PTPRK: variants seen among roughly 807,000 people sequenced by gnomAD.
PTPRK encodes receptor-type tyrosine-protein phosphatase kappa.
In PTPRK, 75 loss-of-function variants were observed where a neutral mutation model predicts 178.0. The ratio of observed to expected loss-of-function variants is 0.42; its 90% CI spans 0.35 to 0.51. The LOEUF (loss-of-function observed/expected upper bound fraction) is 0.51, where lower values mean the gene tolerates loss of function less well. PTPRK is among the 20% of genes least tolerant of loss of function. The pLI, the probability that PTPRK is intolerant of heterozygous loss-of-function variation, is 0.02. For synonymous variants in PTPRK, 637 were observed against 620.6 expected, an observed-to-expected ratio of 1.03 and a Z score of -0.39; for missense variants, 1,441 against 1,797.8, an observed-to-expected ratio of 0.80 and a Z score of 3.59.
intron 3 of PTPRK, among the ~76,000 whole-genome samples, chr6:128,248,471 A>G (rs1306688802): frequency 1.3e-5 from 2 of 152,204 alleles, no homozygotes; most frequent in Non-Finnish European, 2.9e-5. Context: ...GGGAAATGAA[A>G]AAAATATATT....
At chr6:128,153,184 A>C (rs1036388761) in intron 7 of PTPRK, among the ~76,000 whole-genome samples, 2 of 152,058 alleles carry the variant, frequency 1.3e-5, no homozygotes, top group African/African-American at 4.8e-5. Context: ...ACTGATGTGT[A>C]TGATATGTGA....
chr6:128,176,825 AAAT>A (rs1801147151), intron 7 of PTPRK, among the ~76,000 whole-genome samples: 1 of 151,696 alleles, frequency 6.6e-6, no homozygotes, highest in Non-Finnish European at 1.5e-5. Flanking sequence ...TAAATGATGA[AAAT>A]AATGAGATTC....
intron 23 of PTPRK, 50 bp downstream of exon 23, chr6:127,983,192 C>CA (rs751139650): frequency 2.9e-5 from 42 of 1,458,860 alleles, no homozygotes; most frequent in African/African-American, 4.4e-5. Context: ...TCTTTGTTTG[C>CA]AAAAAAAATA....
chr6:128,063,460 T>C (rs1455073337), intron 13 of PTPRK: 2 of 152,238 alleles, frequency 1.3e-5, no homozygotes, highest in African/African-American at 4.8e-5. Context: ...AAACATAGCA[T>C]GACATATCTA....
At chr6:128,313,535 G>A (rs531470706) in intron 3 of PTPRK, among the ~76,000 whole-genome samples, 23 of 152,248 alleles carry the variant, frequency 1.5e-4, no homozygotes, top group African/African-American at 4.6e-4. Context: ...AGGACAAACA[G>A]AACTTGGACA....
chr6:128,445,359 C>A (rs1377455874), intron 1 of PTPRK, among the ~76,000 whole-genome samples: 1 of 140,956 alleles, frequency 7.1e-6, no homozygotes, highest in Non-Finnish European at 1.6e-5. Flanking sequence ...AGTATAAATA[C>A]ACTTACATAT....
chr6:128,184,739 G>C lies in PTPRK; in HGVS notation c.869-14C>G. 2 of 1,607,150 alleles carry C rather than the reference G, an allele frequency of 1.2e-6. No homozygotes were observed. Among genetic ancestry groups the C allele is most frequent in the Non-Finnish European group, 1.7e-6 (2 of 1,175,506 alleles). ...GTCTTGGCGGTTCTAGGAGAGATGA[G>C]TGTGCACTTCAATTAGTAAGATTTA... On this transcript the variant is annotated splice_polypyrimidine_tract_variant and intron_variant, in intron 6 of 29. Coordinates refer to ENST00000368226, the MANE Select transcript of PTPRK (RefSeq NM_002844.4).
chr6:128,409,374 G>C, intron 1 of PTPRK: 1 of 449,112 alleles, frequency 2.2e-6, no homozygotes, highest in Middle Eastern at 3.3e-4. Context: ...AGGTATAATA[G>C]AGGTAGACAC....
chr6:128,200,119 C>T (rs1039192516), intron 6 of PTPRK, among the ~76,000 whole-genome samples: 2 of 152,050 alleles, frequency 1.3e-5, no homozygotes, highest in Admixed American at 6.6e-5. Context: ...CATACATTTC[C>T]CAGAGCATCT....
chr6:128,022,041 G>A (rs1270162196), intron 13 of PTPRK, among the ~76,000 whole-genome samples: 1 of 152,116 alleles, frequency 6.6e-6, no homozygotes, highest in Non-Finnish European at 1.5e-5. Flanking sequence ...TAACAATTCA[G>A]GAAATATTTG....
chr6:128,494,756 T>C (rs1562638468), intron 1 of PTPRK, among the ~76,000 whole-genome samples: 1 of 152,208 alleles, frequency 6.6e-6, no homozygotes, highest in Non-Finnish European at 1.5e-5. Context: ...CTAGTAAACA[T>C]TTCCAAAAGA....
At chr6:128,169,062 G>C (rs1198558418) in intron 7 of PTPRK, among the ~76,000 whole-genome samples, 3 of 152,048 alleles carry the variant, frequency 2.0e-5, no homozygotes, top group Non-Finnish European at 4.4e-5. Flanking sequence ...GGGAGGGGGA[G>C]AATATCTGGA....
At chr6:128,408,394 A>G (rs1421549701) in intron 1 of PTPRK, among the ~76,000 whole-genome samples, 1 of 152,158 alleles carries the variant, frequency 6.6e-6, no homozygotes, top group African/African-American at 2.4e-5. Flanking sequence ...TCAAACAAAC[A>G]AACAAACAAA....
intron 2 of PTPRK, among the ~76,000 whole-genome samples, chr6:128,378,816 C>T (rs1837471501): frequency 6.6e-6 from 1 of 152,024 alleles, no homozygotes; most frequent in African/African-American, 2.4e-5. Context: ...CTTATAAATG[C>T]TGTTTTCACC....
Position 128,089,906 on chromosome 6 carries a change from T to C in PTPRK, c.1249A>G (p.Ile417Val). 1.2e-6 allele frequency: 2 copies of C among 1,612,610 alleles called. No homozygotes were observed. The highest frequency in any genetic ancestry group is 1.7e-6 in the Non-Finnish European group (2 of 1,178,604). The stretch of plus-strand genomic sequence containing the variant: ...ACATTAAAAGTGTGGCAACGCGTAA[T>C]GTTGTAACCCAAGGATTCCCAGTCC... Reference protein sequence around the residue: ...AVDWESLGYNITRCHTFNVTI... With the variant: ...AVDWESLGYNVTRCHTFNVTI... Residue 417 changes from isoleucine (I) to valine (V), a missense_variant, in exon 8 of 30, where the codon ATT becomes GTT. Ile to Val is a conservative substitution (Grantham distance 29). Transcript: ENST00000368226.
chr6:128,245,964 C>T (rs1304068158), intron 3 of PTPRK, among the ~76,000 whole-genome samples: 1 of 151,868 alleles, frequency 6.6e-6, no homozygotes, highest in Non-Finnish European at 1.5e-5. Flanking sequence ...AAGTCTTAAC[C>T]CCATAATATG....
At chr6:128,046,182 T>A (rs1432186172) in intron 13 of PTPRK, among the ~76,000 whole-genome samples, 2 of 152,170 alleles carry the variant, frequency 1.3e-5, no homozygotes, top group Non-Finnish European at 2.9e-5. Context: ...GGCTATAGTC[T>A]ATTACTCTAT....
At chr6:127,972,986 T>A (rs750892854) in intron 29 of PTPRK, 36 bp downstream of exon 29, 1 of 1,603,782 alleles carries the variant, frequency 6.2e-7, no homozygotes. Flanking sequence ...AACTAATCTC[T>A]AAGATGCCTT....
intron 3 of PTPRK, among the ~76,000 whole-genome samples, chr6:128,277,812 C>G (rs963779734): frequency 6.6e-6 from 1 of 151,762 alleles, no homozygotes; most frequent in Non-Finnish European, 1.5e-5. Context: ...AGAAAATTTG[C>G]AGAAGTACCT....
Sources: gnomAD v4.1 joint callset for allele counts (sites outside exome capture counted in the v4.1 genomes callset) on GRCh38, gnomAD v4.1.1 for gene constraint, MANE v1.5 for transcripts, NCBI Gene and HGNC (gene_info 2026-07-23, HGNC 2026-07-21) for gene names.